Variants in SCOC observed in about 807,000 individuals in gnomAD.
SCOC encodes short coiled-coil protein.
A neutral mutation model predicts 9.9 loss-of-function variants in SCOC; 7 were observed. The ratio of observed to expected loss-of-function variants is 0.71; its 90% CI spans 0.40 to 1.33. SCOC has a LOEUF of 1.33. SCOC is among the 40% of genes most tolerant of loss of function. The pLI, the probability that SCOC is intolerant of heterozygous loss-of-function variation, is 0.01. For missense variants in SCOC, 66 were observed against 89.7 expected (o/e 0.74, Z 1.07); for synonymous variants, 19 against 28.2 (o/e 0.67, Z 1.03).
chr4:140,317,059 G>A (rs920928993), intron 1 of SCOC, among the ~76,000 whole-genome samples: 1 of 152,062 alleles, frequency 6.6e-6, no homozygotes, highest in Non-Finnish European at 1.5e-5. Context: ...AGGTTTCCAC[G>A]AACACTTCCG....
intron 1 of SCOC, among the ~76,000 whole-genome samples, chr4:140,329,743 C>T (rs756253286): frequency 4.6e-5 from 7 of 152,010 alleles, no homozygotes; most frequent in Non-Finnish European, 1.0e-4. Context: ...ATCAAAACCG[C>T]AATGCAATAC....
rs573670721 is a variant in SCOC at position 140,382,935 on chromosome 4, G to C, written c.*1831G>C. 2 of 152,354 alleles carry C rather than the reference G, an allele frequency of 1.3e-5. No homozygotes were observed. Among genetic ancestry groups the C allele is most frequent in the Non-Finnish European group, 2.9e-5 (2 of 68,038 alleles). 9.4% of individuals were successfully genotyped at this position (152,354 alleles called of 1,614,324 possible). A position where few individuals can be genotyped will look rare whatever the true frequency, so the allele number is the denominator to read the frequency against. The stretch of plus-strand genomic sequence containing the variant: ...CAGGCTAGCAGCCCTTGTTCAAACA[G>C]TTATTCAGGGACTTTGGCTGAGGAT... On this transcript the variant is annotated 3_prime_UTR_variant, in exon 4 of 4. Transcript: ENST00000608372.
chr4:140,275,439 A>T (rs920171614), intron 1 of SCOC, among the ~76,000 whole-genome samples: 3 of 152,226 alleles, frequency 2.0e-5, no homozygotes, highest in African/African-American at 7.2e-5. Flanking sequence ...ATTACATATT[A>T]TCTGTAACAT....
At chr4:140,340,194 G>A (rs543543865), upstream of SCOC, among the ~76,000 whole-genome samples, 54 of 152,010 alleles carry the variant, frequency 3.6e-4, no homozygotes, top group Admixed American at 1.9e-3. Flanking sequence ...GCAAACTATC[G>A]CAAGGACAAA....
At chr4:140,257,487 G>C (rs1578747308) in intron 1 of SCOC, 1 of 152,148 alleles carries the variant, frequency 6.6e-6, no homozygotes, top group African/African-American at 2.4e-5. Context: ...TATTTAAGGG[G>C]GAGGTTTGGG....
chr4:140,324,553 T>C (rs1318646507), intron 1 of SCOC, among the ~76,000 whole-genome samples: 1 of 152,136 alleles, frequency 6.6e-6, no homozygotes, highest in Non-Finnish European at 1.5e-5. Flanking sequence ...AAATGAATAG[T>C]TGTCATTTGA....
intron 1 of SCOC, among the ~76,000 whole-genome samples, chr4:140,325,883 G>A (rs1361864829): frequency 6.6e-6 from 1 of 152,196 alleles, no homozygotes; most frequent in Non-Finnish European, 1.5e-5. Context: ...ATATAAAAAT[G>A]TGTATAACAA....
At chr4:140,321,700 A>G (rs2126482658) in intron 1 of SCOC, among the ~76,000 whole-genome samples, 1 of 152,326 alleles carries the variant, frequency 6.6e-6, no homozygotes, top group Middle Eastern at 3.4e-3. Context: ...ATGGGACAAT[A>G]TTAGACAGTC....
intron 1 of SCOC, among the ~76,000 whole-genome samples, chr4:140,312,606 AT>A (rs2126469400): frequency 6.6e-6 from 1 of 152,126 alleles, no homozygotes; most frequent in African/African-American, 2.4e-5. Flanking sequence ...AAAAAAATAT[AT>A]TTTTGTAGAG....
intron 1 of SCOC, among the ~76,000 whole-genome samples, chr4:140,318,318 G>A (rs879040522): frequency 3.2e-5 from 4 of 125,564 alleles, no homozygotes; most frequent in South Asian, 5.8e-4. Flanking sequence ...GAAAATTTTC[G>A]CAACCTACTC....
rs568691695 is a variant in SCOC, at chr4:140,311,244, A to G, written c.-18-32377A>G. Among the ~76,000 whole-genome samples, 3 of 152,258 alleles carry G rather than the reference A, an allele frequency of 2.0e-5. No homozygotes were observed. In the East Asian group the frequency reaches 5.8e-4, roughly 29 times the overall value. ...GACCCCTATCTCTTAAAAATAATAA[A>G]AAAAGATTTTTTTTAACCTTCACTT... On this transcript the variant is annotated intron_variant, in intron 1 of 4. Transcript: ENST00000394205.
chr4:140,355,218 T>TATATATATATG (rs1727163718), intron 2 of SCOC, among the ~76,000 whole-genome samples: 1 of 10,162 alleles, frequency 9.8e-5, no homozygotes, highest in Admixed American at 1.3e-3. Flanking sequence ...TTTTTATATA[T>TATATATATATG]ATATATATAT....
chr4:140,352,751 C>G (rs965077525), intron 2 of SCOC, among the ~76,000 whole-genome samples: 1 of 152,158 alleles, frequency 6.6e-6, no homozygotes, highest in Non-Finnish European at 1.5e-5. Context: ...TTTGACTCTT[C>G]CTTTCAAAGA....
chr4:140,268,476 A>T (rs1730776781), intron 1 of SCOC, among the ~76,000 whole-genome samples: 1 of 152,248 alleles, frequency 6.6e-6, no homozygotes, highest in South Asian at 2.1e-4. Flanking sequence ...AATGTCATTT[A>T]AAAAATGAAA....
In SCOC at chr4:140,296,775, G is replaced by GA. The variant is rs111407090; in HGVS notation, c.-19+39376dup. Among the ~76,000 whole-genome samples the GA allele has an allele frequency of 9.0e-3, 1,323 of 146,318 alleles. 16 individuals carry two copies. The highest frequency in any genetic ancestry group is 0.03 in the African/African-American group (1,206 of 40,150). ...ACTCAATATCACAAGGTCACGACAA[G>GA]AAAAAAAAAAACCTAATAATTCACT... is the stretch of plus-strand genomic sequence containing the variant. On this transcript the variant is annotated intron_variant, in intron 1 of 4. Coordinates refer to the SCOC transcript ENST00000394205.
chr4:140,355,207 ATT>A (rs200905375), intron 2 of SCOC, among the ~76,000 whole-genome samples: 726 of 15,462 alleles, frequency 0.047, 5 homozygotes, highest in Admixed American at 0.056. Context: ...TATACATTAT[ATT>A]TTTATATATA....
chr4:140,272,480 A>G (rs113114948), intron 1 of SCOC, among the ~76,000 whole-genome samples: 1 of 152,214 alleles, frequency 6.6e-6, no homozygotes, highest in Non-Finnish European at 1.5e-5. Flanking sequence ...ACCACCTTAC[A>G]TCCTCGATAA....
At chr4:140,262,438 C>G (rs546291133) in intron 1 of SCOC, among the ~76,000 whole-genome samples, 15 of 152,286 alleles carry the variant, frequency 9.8e-5, no homozygotes, top group Admixed American at 9.8e-4. Flanking sequence ...GACCTCCTAT[C>G]TTTGGCACAT....
At chr4:140,341,635 T>C (rs887174592), upstream of SCOC, among the ~76,000 whole-genome samples, 1 of 152,232 alleles carries the variant, frequency 6.6e-6, no homozygotes, top group Non-Finnish European at 1.5e-5. Flanking sequence ...CATGATTATA[T>C]ACAGAGTTGC....
Sources: gnomAD v4.1 joint callset for allele counts (sites outside exome capture counted in the v4.1 genomes callset) on GRCh38, gnomAD v4.1.1 for gene constraint, MANE v1.5 for transcripts, NCBI Gene and HGNC (gene_info 2026-07-23, HGNC 2026-07-21) for gene names.